The following CUL3 variants were observed in gnomAD, a reference collection of about 807,000 sequenced individuals.
The protein encoded by CUL3 is cullin-3.
Under a neutral mutation model 89.1 loss-of-function variants are expected in CUL3, and 19 were observed. The ratio of observed to expected loss-of-function variants is 0.21; its 90% CI spans 0.15 to 0.31. The LOEUF (loss-of-function observed/expected upper bound fraction) is 0.31, where lower values mean the gene tolerates loss of function less well. Ranked by LOEUF, CUL3 falls within the 10% of genes least tolerant of loss-of-function variation. The pLI is 1.00. For synonymous variants in CUL3, 351 were observed against 308.4 expected (o/e 1.14, Z -1.45); for missense variants, 469 against 942.3 (o/e 0.50, Z 6.58).
intron 13 of CUL3, chr2:224,495,186 G>C (rs752579412): frequency 6.6e-6 from 1 of 151,828 alleles, no homozygotes; most frequent in African/African-American, 2.4e-5. Flanking sequence ...CAACTAAAGC[G>C]GCTCAAAATC....
chr2:224,474,151 A>C lies in CUL3; in HGVS notation c.*94T>G, dbSNP rs775258233. ...AGAACATGTACTGTAATTTAATAGA[A>C]GAGATGGTCGTCTTAATATTTAATG... On this transcript the variant is annotated 3_prime_UTR_variant, in exon 16 of 16. Coordinates refer to ENST00000264414, the MANE Select transcript of CUL3 (RefSeq NM_003590.5). 5.4e-6 allele frequency: 7 copies of C among 1,288,456 alleles called. No individual in the cohort carries two copies. The highest frequency in any genetic ancestry group is 7.5e-6 in the Non-Finnish European group (7 of 932,206). 79.8% of individuals were successfully genotyped at this position (1,288,456 alleles called of 1,614,324 possible).
intron 1 of CUL3, among the ~76,000 whole-genome samples, chr2:224,576,432 T>A (rs1473053478): frequency 3.3e-5 from 5 of 152,200 alleles, no homozygotes; most frequent in Non-Finnish European, 7.3e-5. Flanking sequence ...AAGTGCCACA[T>A]GATCTTTAAC....
chr2:224,581,506 T>C (rs1263420945), intron 1 of CUL3, among the ~76,000 whole-genome samples: 1 of 151,434 alleles, frequency 6.6e-6, no homozygotes, highest in East Asian at 1.9e-4. Flanking sequence ...AATTTTTCTT[T>C]TCTTTTTTTT....
intron 1 of CUL3, 58 bp downstream of exon 1, chr2:224,584,886 G>T: frequency 7.5e-7 from 1 of 1,340,830 alleles, no homozygotes; most frequent in Non-Finnish European, 1.0e-6. Context: ...CGGGCCTCGC[G>T]TGCGGCTCTC....
chr2:224,558,006 A>G lies in CUL3; in HGVS notation c.67-150T>C, dbSNP rs909248848. On this transcript the variant is annotated intron_variant, in intron 1 of 15. Coordinates refer to ENST00000264414, the MANE Select transcript of CUL3 (RefSeq NM_003590.5). ...TGACACATAAGAACATTAACAACCT[A>G]TTTTAACAGGGGGAAAAAAAGGATA... The G allele has an allele frequency of 9.2e-6, 5 of 544,984 alleles. No homozygotes were observed. In the South Asian group the frequency reaches 1.5e-4, roughly 17 times the overall value. The allele number at this position is 544,984 out of a possible 1,614,324, so 33.8% of individuals were successfully genotyped here.
At position 224,503,278 on chromosome 2, in the gene CUL3, C is replaced by T. The variant is rs62186979; in HGVS notation, c.1378-206G>A. ...ATTCTTTCAGAGATTCCAATATACCCCCATGAAAGGCAGGGCCCAGAACTG... is the reference window on the plus strand; with the variant it reads ...ATTCTTTCAGAGATTCCAATATACCTCCATGAAAGGCAGGGCCCAGAACTG... On this transcript the variant is annotated intron_variant, in intron 9 of 15. Transcript: ENST00000264414. Among the ~76,000 whole-genome samples the T allele has an allele frequency of 0.18, 27,965 of 151,986 alleles. 2,875 individuals carry two copies. Among genetic ancestry groups the T allele is most frequent in the South Asian group, 0.27 (1,303 of 4,816 alleles).
intron 2 of CUL3, among the ~76,000 whole-genome samples, chr2:224,554,037 A>T (rs1414104064): frequency 6.6e-6 from 1 of 152,064 alleles, no homozygotes; most frequent in East Asian, 1.9e-4. Context: ...GGAGCCCAAA[A>T]CTTGGTCACC....
intron 1 of CUL3, among the ~76,000 whole-genome samples, chr2:224,565,560 G>A (rs1695023055): frequency 6.6e-6 from 1 of 152,150 alleles, no homozygotes; most frequent in Non-Finnish European, 1.5e-5. Flanking sequence ...TTAAGTTTCA[G>A]TGCCCACATC....
chr2:224,564,886 T>C (rs909731863), intron 1 of CUL3, among the ~76,000 whole-genome samples: 4 of 152,240 alleles, frequency 2.6e-5, no homozygotes, highest in Admixed American at 6.5e-5. Flanking sequence ...CTAATTCAGT[T>C]GTGGCAATAT....
At position 224,500,464 on chromosome 2, in the gene CUL3, A is replaced by G. The variant is rs757318912; in HGVS notation, c.1509T>C (p.Leu503=). 6.2e-7 allele frequency: 1 copy of G among 1,613,796 alleles called. No individual in the cohort carries two copies. The highest frequency in any genetic ancestry group is 1.3e-5 in the African/African-American group (1 of 74,914). ...ATGVSLGGVD[L]TVRVLTTGYW... is the part of the protein sequence containing the mutation. ...ATCCTGTCGTGAGCACCCGGACTGT[A>G]AGATCAACACCACCTAAAGATACCT... Residue 503 remains leucine, a synonymous_variant, in exon 11 of 16, where the codon CTT becomes CTC. Coordinates refer to ENST00000264414, the MANE Select transcript of CUL3 (RefSeq NM_003590.5).
chr2:224,557,373 C>T (rs115105129), intron 2 of CUL3, among the ~76,000 whole-genome samples: 2,694 of 151,990 alleles, frequency 0.018, 43 homozygotes, highest in South Asian at 0.048. Context: ...GAAAAAAATT[C>T]CTTGTAATTA....
chr2:224,584,138 A>T (rs1008149898), intron 1 of CUL3, among the ~76,000 whole-genome samples: 2 of 152,174 alleles, frequency 1.3e-5, no homozygotes, highest in Non-Finnish European at 2.9e-5. Context: ...AATGCCAAAA[A>T]AGAAAAAGTT....
intron 3 of CUL3, among the ~76,000 whole-genome samples, chr2:224,531,485 T>A (rs1318469363): frequency 6.6e-6 from 1 of 151,702 alleles, no homozygotes; most frequent in Non-Finnish European, 1.5e-5. Flanking sequence ...TAAAGATATA[T>A]GTAAGTGCCT....
intron 2 of CUL3, among the ~76,000 whole-genome samples, chr2:224,544,938 C>G (rs1217501849): frequency 6.6e-6 from 1 of 151,958 alleles, no homozygotes; most frequent in Non-Finnish European, 1.5e-5. Flanking sequence ...AGGGGCAGGT[C>G]AGGAATAAGG....
intron 11 of CUL3, 177 bp downstream of exon 11, chr2:224,500,186 A>T: frequency 1.8e-6 from 1 of 568,328 alleles, no homozygotes; most frequent in Non-Finnish European, 3.0e-6. Context: ...GCTTTACTTT[A>T]CTCATCAAGA....
intron 3 of CUL3, among the ~76,000 whole-genome samples, chr2:224,532,299 AG>A (rs1361999865): frequency 6.6e-6 from 1 of 152,116 alleles, no homozygotes; most frequent in East Asian, 1.9e-4. Flanking sequence ...CCTCTATTTA[AG>A]GGGGGATGGT....
At chr2:224,579,829 C>G (rs539002191) in intron 1 of CUL3, among the ~76,000 whole-genome samples, 3 of 152,276 alleles carry the variant, frequency 2.0e-5, no homozygotes, top group African/African-American at 7.2e-5. Flanking sequence ...AAGGCTAGGC[C>G]AAGAAAGGCT....
rs970186610 is a variant in CUL3, at chr2:224,585,353, A to G, written c.-344T>C. On this transcript the variant is annotated 5_prime_UTR_variant, in exon 1 of 16. Coordinates refer to ENST00000264414, the MANE Select transcript of CUL3 (RefSeq NM_003590.5). ...ACAAACATCTCACTGCGCAGGCCGA[A>G]CGTCGTCCTCCTCCTCCTCCTTCTC... The G allele has an allele frequency of 2.0e-5, 8 of 400,040 alleles. No homozygotes were observed. Among genetic ancestry groups the G allele is most frequent in the Admixed American group, 1.3e-4 (3 of 22,676 alleles). 24.8% of individuals were successfully genotyped at this position (400,040 alleles called of 1,614,324 possible). A position where few individuals can be genotyped will look rare whatever the true frequency, so the allele number is the denominator to read the frequency against.
At chr2:224,549,338 A>C (rs1052485009) in intron 2 of CUL3, among the ~76,000 whole-genome samples, 17 of 152,270 alleles carry the variant, frequency 1.1e-4, no homozygotes, top group African/African-American at 4.1e-4. Context: ...AAAAAAAAAA[A>C]AAAAAATTGA....
Sources: gnomAD v4.1 joint callset for allele counts (sites outside exome capture counted in the v4.1 genomes callset) on GRCh38, gnomAD v4.1.1 for gene constraint, MANE v1.5 for transcripts, NCBI Gene and HGNC (gene_info 2026-07-23, HGNC 2026-07-21) for gene names.